CHD6: variants seen among roughly 807,000 people sequenced by gnomAD.
CHD6 encodes chromodomain helicase DNA binding protein 6.
In CHD6, 50 loss-of-function variants were observed where a neutral mutation model predicts 276.9. The observed-to-expected ratio is 0.18, with a 90% confidence interval of 0.14 to 0.23. CHD6 has a LOEUF of 0.23. Ranked by LOEUF, CHD6 falls within the 10% of genes least tolerant of loss-of-function variation. CHD6 has a pLI of 1.00. For missense variants in CHD6, 2,564 were observed against 3,365.8 expected (o/e 0.76, Z 5.89); for synonymous variants, 1,173 against 1,229.3 (o/e 0.95, Z 0.96).
chr20:41,405,020 C>T lies in CHD6; in HGVS notation c.7721G>A (p.Ser2574Asn), dbSNP rs1372725845. Reference sequence around the variant, plus strand: ...AGTGTCTGTTTTCACATCATGGCTACTCGGCTTGTCTTCCGCAGTCTTTTC... The same window carrying T: ...AGTGTCTGTTTTCACATCATGGCTATTCGGCTTGTCTTCCGCAGTCTTTTC... ...VTEKTAEDKP[S>N]SHDVKTDTLA... is the part of the protein sequence containing the mutation. Residue 2574 changes from serine to asparagine, a missense_variant, in exon 37 of 37, where the codon AGT becomes AAT. Around this residue, in one of 7 missense-constraint regions of CHD6, gnomAD observed 238 missense variants for 266.0 expected, o/e 0.89. Transcript: ENST00000373233. 2.5e-6 allele frequency: 4 copies of T among 1,614,248 alleles called. No homozygotes were observed. The highest frequency in any genetic ancestry group is 3.4e-6 in the Non-Finnish European group (4 of 1,180,044).
At chr20:41,599,823 A>G (rs976553598) in intron 1 of CHD6, among the ~76,000 whole-genome samples, 2 of 152,166 alleles carry the variant, frequency 1.3e-5, no homozygotes, top group Non-Finnish European at 2.9e-5. Flanking sequence ...CCTCCCAACT[A>G]GTTGGTAATA....
chr20:41,533,124 G>C lies in CHD6; in HGVS notation c.480C>G (p.Ala160=), dbSNP rs1174133084. 1 of 1,614,184 alleles carries C rather than the reference G, an allele frequency of 6.2e-7. No individual in the cohort carries two copies. Residue 160 remains alanine, a synonymous_variant, in exon 3 of 37, where the codon GCC becomes GCG. Transcript: ENST00000373233. ...TCTCTTTGGCCTCCTTGGTGCCCGA[G>C]GCCTCCCGGGGCTTCCGTGCCTTCT... The part of the protein sequence containing the change: ...GAKKARKPRE[A]SGTKEAKEKR...
At chr20:41,617,359 G>A (rs2045942983) in intron 1 of CHD6, among the ~76,000 whole-genome samples, 1 of 152,152 alleles carries the variant, frequency 6.6e-6, no homozygotes, top group Admixed American at 6.5e-5. Flanking sequence ...GTCATAACTG[G>A]AACTAGGAAT....
chr20:41,612,697 G>T (rs764504970), intron 1 of CHD6, among the ~76,000 whole-genome samples: 1 of 152,122 alleles, frequency 6.6e-6, no homozygotes, highest in Non-Finnish European at 1.5e-5. Context: ...GTATTTCTTA[G>T]AATACTGATA....
At chr20:41,457,729 G>A (rs2048419794) in intron 17 of CHD6, among the ~76,000 whole-genome samples, 1 of 152,216 alleles carries the variant, frequency 6.6e-6, no homozygotes, top group South Asian at 2.1e-4. Flanking sequence ...CTTGTGAGTG[G>A]CACACATTCC....
At chr20:41,578,271 T>C (rs6072433) in intron 1 of CHD6, among the ~76,000 whole-genome samples, 39,778 of 151,926 alleles carry the variant, frequency 0.26, 6,445 homozygotes, top group East Asian at 0.49. Flanking sequence ...CAAAAACAAA[T>C]AGAGGAGCAC....
intron 1 of CHD6, among the ~76,000 whole-genome samples, chr20:41,595,980 T>A (rs2045713849): frequency 6.6e-6 from 1 of 152,086 alleles, no homozygotes; most frequent in Admixed American, 6.6e-5. Flanking sequence ...CTACCTCCCC[T>A]GAAAACAGAA....
chr20:41,611,442 T>C (rs1197370440), intron 1 of CHD6, among the ~76,000 whole-genome samples: 1 of 152,184 alleles, frequency 6.6e-6, no homozygotes, highest in African/African-American at 2.4e-5. Flanking sequence ...GGCTAGTAGT[T>C]CCCGTGCAGA....
chr20:41,590,429 C>A (rs1456922954), intron 1 of CHD6, among the ~76,000 whole-genome samples: 1 of 152,090 alleles, frequency 6.6e-6, no homozygotes, highest in Non-Finnish European at 1.5e-5. Flanking sequence ...GAACAGGCAC[C>A]CACAGAATGG....
At chr20:41,499,220 C>T in intron 6 of CHD6, 75 bp downstream of exon 6, 4 of 1,196,956 alleles carry the variant, frequency 3.3e-6, no homozygotes, top group Non-Finnish European at 4.7e-6. Context: ...ATTCTAGGTT[C>T]TCTAGCCAAA....
At chr20:41,524,418 G>C (rs747875549) in intron 3 of CHD6, among the ~76,000 whole-genome samples, 5 of 152,142 alleles carry the variant, frequency 3.3e-5, no homozygotes, top group Non-Finnish European at 5.9e-5. Flanking sequence ...GGAGATTAGA[G>C]AGGTTTGTGA....
chr20:41,546,483 C>T (rs2045045358), intron 2 of CHD6, among the ~76,000 whole-genome samples: 1 of 152,196 alleles, frequency 6.6e-6, no homozygotes, highest in Non-Finnish European at 1.5e-5. Flanking sequence ...CTTAAGATGA[C>T]ACCTGCCTGC....
At chr20:41,605,347 A>G (rs1460445542) in intron 1 of CHD6, among the ~76,000 whole-genome samples, 1 of 152,218 alleles carries the variant, frequency 6.6e-6, no homozygotes, top group Non-Finnish European at 1.5e-5. Context: ...ACTCCCTTCC[A>G]TTAGAATGGA....
rs919596378 is a variant in CHD6, at chr20:41,403,758, G to C, written c.*835C>G. 3 of 1,057,400 alleles carry C rather than the reference G, an allele frequency of 2.8e-6. No homozygotes were observed. The highest frequency in any genetic ancestry group is 3.4e-6 in the Non-Finnish European group (3 of 874,432). 65.5% of individuals were successfully genotyped at this position (1,057,400 alleles called of 1,614,324 possible). A position where few individuals can be genotyped will look rare whatever the true frequency, so the allele number is the denominator to read the frequency against. On this transcript the variant is annotated 3_prime_UTR_variant, in exon 37 of 37. Coordinates refer to ENST00000373233, the MANE Select transcript of CHD6 (RefSeq NM_032221.5). The stretch of plus-strand genomic sequence containing the variant: ...TTAATGGCTAGAGAAATCTGTAAGC[G>C]AACCAGGTGAGAGCAGAGCGCTAGC...
At chr20:41,504,133 G>A (rs974453534) in intron 5 of CHD6, among the ~76,000 whole-genome samples, 2 of 138,282 alleles carry the variant, frequency 1.4e-5, no homozygotes, top group East Asian at 2.1e-4. Context: ...TAACTGCATC[G>A]CACTTGTCTC....
chr20:41,450,382 T>A (rs2048199469), intron 23 of CHD6, among the ~76,000 whole-genome samples: 1 of 152,144 alleles, frequency 6.6e-6, no homozygotes, highest in African/African-American at 2.4e-5. Context: ...CATGCAAACT[T>A]GCCATTGTTT....
At chr20:41,490,794 C>T (rs774273402) in intron 11 of CHD6, among the ~76,000 whole-genome samples, 24 of 151,970 alleles carry the variant, frequency 1.6e-4, no homozygotes, top group Non-Finnish European at 2.8e-4. Flanking sequence ...GCATGGGTGA[C>T]AGAGCGAGGC....
intron 1 of CHD6, among the ~76,000 whole-genome samples, chr20:41,565,548 A>C (rs1255631857): frequency 1.3e-5 from 2 of 152,222 alleles, no homozygotes; most frequent in African/African-American, 4.8e-5. Context: ...TCACAGTGAG[A>C]AAGAATCCAA....
intron 1 of CHD6, among the ~76,000 whole-genome samples, chr20:41,571,930 T>C (rs1471524371): frequency 6.6e-6 from 1 of 152,230 alleles, no homozygotes; most frequent in Non-Finnish European, 1.5e-5. Flanking sequence ...CTCCTTTCAA[T>C]ACTGCTTTTC....
Sources: allele counts gnomAD v4.1 joint callset (sites outside exome capture counted in the v4.1 genomes callset), GRCh38; gene constraint gnomAD v4.1.1; regional missense constraint gnomAD v4.1.1; transcripts MANE v1.5; gene names NCBI Gene and HGNC (gene_info 2026-07-23, HGNC 2026-07-21).